ZNF287: variants seen among roughly 807,000 people sequenced by gnomAD.
ZNF287 encodes zinc finger protein 287.
ZNF287 carries 31 observed loss-of-function variants against 73.7 expected under a neutral mutation model. The observed-to-expected ratio is 0.42, with a 90% confidence interval of 0.32 to 0.57. The LOEUF (loss-of-function observed/expected upper bound fraction) is 0.57, where lower values mean the gene tolerates loss of function less well. Ranked by LOEUF, ZNF287 falls within the 20% of genes least tolerant of loss-of-function variation. ZNF287 has a pLI of 0.13. For synonymous variants in ZNF287, 301 were observed against 307.2 expected (o/e 0.98, Z 0.21); for missense variants, 641 against 909.3 (o/e 0.70, Z 3.79).
At chr17:16,565,743 T>C (rs776964124) in intron 3 of ZNF287, among the ~76,000 whole-genome samples, 23 of 152,114 alleles carry the variant, frequency 1.5e-4, no homozygotes, top group Admixed American at 1.3e-4. Context: ...TCCCAGCACT[T>C]TGGGAGGCCA....
At chr17:16,566,384 G>A (rs888885237) in intron 3 of ZNF287, 141 bp downstream of exon 3, 4 of 612,538 alleles carry the variant, frequency 6.5e-6, no homozygotes, top group Non-Finnish European at 1.1e-5. Context: ...TACCTTAACA[G>A]ACCAAGATAA....
intron 1 of ZNF287, 109 bp from the exon 2 acceptor site, chr17:16,568,038 T>C: frequency 2.9e-6 from 3 of 1,035,678 alleles, no homozygotes; most frequent in Non-Finnish European, 3.5e-6. Context: ...ACACATAAGC[T>C]TTACCTTGTC....
At chr17:16,561,952 TA>T (rs1486585044) in intron 5 of ZNF287, among the ~76,000 whole-genome samples, 2 of 152,200 alleles carry the variant, frequency 1.3e-5, no homozygotes, top group African/African-American at 4.8e-5. Context: ...GTATCATGCT[TA>T]TGTAGAAGAA....
At position 16,551,790 on chromosome 17, in the gene ZNF287, C is replaced by G. The variant is rs961545137; in HGVS notation, c.*66G>C. 130 of 1,509,256 alleles carry G rather than the reference C, an allele frequency of 8.6e-5. No homozygotes were observed. The highest frequency in any genetic ancestry group is 1.1e-4 in the Non-Finnish European group (125 of 1,123,822). The allele number at this position is 1,509,256 out of a possible 1,614,324, so 93.5% of individuals were successfully genotyped here. A position where few individuals can be genotyped will look rare whatever the true frequency, so the allele number is the denominator to read the frequency against. On this transcript the variant is annotated 3_prime_UTR_variant, in exon 6 of 6. Transcript: ENST00000395825. ...TTCAGACTTCTTCTGAATGTTCTGA[C>G]ACATAGAATGCACAAAACAAAATTG...
At chr17:16,562,427 CAAA>C (rs1278749702) in intron 5 of ZNF287, among the ~76,000 whole-genome samples, 2 of 152,132 alleles carry the variant, frequency 1.3e-5, no homozygotes, top group Non-Finnish European at 2.9e-5. Flanking sequence ...ATAAACATCT[CAAA>C]TAACTGTTTA....
In ZNF287 at chr17:16,553,372, G is replaced by A; in HGVS notation, c.770C>T (p.Thr257Ile). The A allele has an allele frequency of 1.9e-6, 3 of 1,609,478 alleles. No homozygotes were observed. The highest frequency in any genetic ancestry group is 4.5e-5 in the East Asian group (2 of 44,776). ...TTTGATGGTATGGGTTTCTTCCTTTGTGAGTTTAGACATATCCTCCACTGG... is the reference window on the plus strand; with the variant it reads ...TTTGATGGTATGGGTTTCTTCCTTTATGAGTTTAGACATATCCTCCACTGG... Reference protein sequence around the residue: ...CTPVEDMSKLTKEETHTIKLE... With the variant: ...CTPVEDMSKLIKEETHTIKLE... The change falls in exon 6 of 6, where the codon ACA (threonine) becomes ATA (isoleucine). Residue 257 changes from threonine (T) to isoleucine (I), a missense_variant. Physicochemically the swap from Thr to Ile is moderately conservative, Grantham distance 89. Transcript: ENST00000395825.
In ZNF287 at chr17:16,551,792, C is replaced by T. The variant is rs1906677406; in HGVS notation, c.*64G>A. On this transcript the variant is annotated 3_prime_UTR_variant, in exon 6 of 6. Coordinates refer to ENST00000395825, the MANE Select transcript of ZNF287 (RefSeq NM_020653.4). ...CAGACTTCTTCTGAATGTTCTGACACATAGAATGCACAAAACAAAATTGAA... is the reference window on the plus strand; with the variant it reads ...CAGACTTCTTCTGAATGTTCTGACATATAGAATGCACAAAACAAAATTGAA... The T allele has an allele frequency of 6.6e-7, 1 of 1,513,668 alleles. No individual in the cohort carries two copies. Among genetic ancestry groups the T allele is most frequent in the Non-Finnish European group, 8.9e-7 (1 of 1,127,416 alleles). 93.8% of individuals were successfully genotyped at this position (1,513,668 alleles called of 1,614,324 possible). A position where few individuals can be genotyped will look rare whatever the true frequency, so the allele number is the denominator to read the frequency against.
rs1441106506 is a variant in ZNF287, at chr17:16,549,654, G to T, written c.*2202C>A. Among the ~76,000 whole-genome samples, 1 of 152,052 alleles carries T rather than the reference G, an allele frequency of 6.6e-6. No homozygotes were observed. Among genetic ancestry groups the T allele is most frequent in the Non-Finnish European group, 1.5e-5 (1 of 67,986 alleles). ...TAGCCTTTAGGATACTAGCATCCTGGGTCTTTCCTTCAGTACCTGTTTGTA... is the reference window on the plus strand; with the variant it reads ...TAGCCTTTAGGATACTAGCATCCTGTGTCTTTCCTTCAGTACCTGTTTGTA... On this transcript the variant is annotated 3_prime_UTR_variant, in exon 6 of 6. Transcript: ENST00000395825.
rs894035620 is a variant in ZNF287 at position 16,561,590 on chromosome 17, A to G, written c.715+1556T>C. 4.1e-4 allele frequency among the ~76,000 whole-genome samples: 62 copies of G among 152,236 alleles called. 1 individual carries two copies. Among genetic ancestry groups the G allele is most frequent in the Admixed American group, 4.1e-3 (62 of 15,288 alleles). ...TGAAGAAATGCAATGGAAGATACACATCACCTTTCAAATATCCTTGGCAAA... is the reference window on the plus strand; with the variant it reads ...TGAAGAAATGCAATGGAAGATACACGTCACCTTTCAAATATCCTTGGCAAA... On this transcript the variant is annotated intron_variant, in intron 5 of 5. Coordinates refer to ENST00000395825, the MANE Select transcript of ZNF287 (RefSeq NM_020653.4).
rs1055611072 is a variant in ZNF287, at chr17:16,553,404, T to C, written c.738A>G (p.Ala246=). ...TAGACATATCCTCCACTGGAGTACA[T>C]GCTTGGGCTTTAGTTTCCCATTCTG... is the stretch of plus-strand genomic sequence containing the variant. The part of the protein sequence containing the change: ...PSPEWETKAQ[A]CTPVEDMSKL... Residue 246 remains alanine, a synonymous_variant, in exon 6 of 6, where the codon GCA becomes GCG. Transcript: ENST00000395825. 2 of 1,522,210 alleles carry C rather than the reference T, an allele frequency of 1.3e-6. No homozygotes were observed. Among genetic ancestry groups the C allele is most frequent in the Admixed American group, 4.5e-5 (2 of 44,056 alleles). The allele number at this position is 1,522,210 out of a possible 1,614,324, so 94.3% of individuals were successfully genotyped here.
rs890092506 is a variant in ZNF287 at position 16,551,048 on chromosome 17, T to C, written c.*808A>G. 2.0e-5 allele frequency among the ~76,000 whole-genome samples: 3 copies of C among 152,182 alleles called. No homozygotes were observed. The highest frequency in any genetic ancestry group is 7.2e-5 in the African/African-American group (3 of 41,442). ...ATTAAGCTTCTCTTTAATATTTCCA[T>C]ATCTGAGGGAAGGTGTAACCAGTGG... On this transcript the variant is annotated 3_prime_UTR_variant, in exon 6 of 6. Coordinates refer to ENST00000395825, the MANE Select transcript of ZNF287 (RefSeq NM_020653.4).
At chr17:16,559,572 A>ACACAC (rs1555899603) in intron 5 of ZNF287, among the ~76,000 whole-genome samples, 1 of 147,390 alleles carries the variant, frequency 6.8e-6, no homozygotes, top group Non-Finnish European at 1.5e-5. Context: ...TAAAAGAACT[A>ACACAC]ACACACACAC....
At chr17:16,561,843 A>G (rs548890832) in intron 5 of ZNF287, among the ~76,000 whole-genome samples, 1 of 152,336 alleles carries the variant, frequency 6.6e-6, no homozygotes, top group Non-Finnish European at 1.5e-5. Context: ...AAAAATATCT[A>G]TAAAGGATGT....
rs1353378664 is a variant in ZNF287, at chr17:16,552,595, G to C, written c.1547C>G (p.Thr516Ser). 1.2e-6 allele frequency: 2 copies of C among 1,614,086 alleles called. No homozygotes were observed. The highest frequency in any genetic ancestry group is 3.3e-5 in the Admixed American group (2 of 60,014). ...KPYICNECGK[T>S]FSQSTHLLQH... The stretch of plus-strand genomic sequence containing the variant: ...AAGAAGGTGTGTACTCTGACTGAAA[G>C]TCTTCCCACATTCATTGCATATATA... The change falls in exon 6 of 6, where the codon ACT becomes AGT. Residue 516 changes from threonine (T) to serine (S), a missense_variant. Around this residue, in one of 2 missense-constraint regions of ZNF287, gnomAD observed 284 missense variants for 466.8 expected, o/e 0.61. Coordinates refer to ENST00000395825, the MANE Select transcript of ZNF287 (RefSeq NM_020653.4). The surrounding 1 kb of genome is among the most constrained non-coding windows in gnomAD (Gnocchi z 6.5).
chr17:16,555,629 CA>C (rs1290628196), intron 5 of ZNF287, among the ~76,000 whole-genome samples: 38 of 151,148 alleles, frequency 2.5e-4, no homozygotes, highest in African/African-American at 8.3e-4. Flanking sequence ...CACACACACA[CA>C]CACACACACA....
intron 4 of ZNF287, 36 bp downstream of exon 4, chr17:16,563,663 C>G (rs1329722618): frequency 6.3e-6 from 10 of 1,597,470 alleles, no homozygotes; most frequent in Non-Finnish European, 7.7e-6. Flanking sequence ...TTAATGGGAA[C>G]AGGCTCGGAG....
intron 5 of ZNF287, chr17:16,559,001 A>C (rs1180217675): frequency 6.6e-6 from 1 of 152,080 alleles, no homozygotes; most frequent in Non-Finnish European, 1.5e-5. Flanking sequence ...AATAAAATAA[A>C]ATAATAAAAT....
intron 2 of ZNF287, 59 bp downstream of exon 2, chr17:16,567,270 G>A (rs1332751518): frequency 1.9e-6 from 3 of 1,552,794 alleles, no homozygotes; most frequent in Non-Finnish European, 2.6e-6. Context: ...GCTCAGATGT[G>A]CTAGTTGTCT....
chr17:16,557,575 T>C (rs1250085106), intron 5 of ZNF287, among the ~76,000 whole-genome samples: 1 of 152,138 alleles, frequency 6.6e-6, no homozygotes, highest in Non-Finnish European at 1.5e-5. Flanking sequence ...ACTATATCTC[T>C]GAGCTGGCAA....
Sources: allele counts gnomAD v4.1 joint callset (sites outside exome capture counted in the v4.1 genomes callset), GRCh38; gene constraint gnomAD v4.1.1; regional missense constraint gnomAD v4.1.1; non-coding constraint Gnocchi (gnomAD v3.1); transcripts MANE v1.5; gene names NCBI Gene and HGNC (gene_info 2026-07-23, HGNC 2026-07-21).